AOPEP: variants seen among roughly 807,000 people sequenced by gnomAD.
AOPEP encodes the protein aminopeptidase O.
A neutral mutation model predicts 98.1 loss-of-function variants in AOPEP; 77 were observed. The observed-to-expected ratio is 0.78, with a 90% CI of 0.65 to 0.95. The LOEUF (loss-of-function observed/expected upper bound fraction) is 0.95. Among genes scored for constraint, AOPEP ranks in the 40% least tolerant of loss-of-function variants. The pLI is 0.00. For missense variants in AOPEP, 1,024 were observed against 1,024.7 expected, an observed-to-expected ratio of 1.00 and a Z score of 0.01; for synonymous variants, 346 against 365.3, an observed-to-expected ratio of 0.95 and a Z score of 0.60.
At chr9:94,782,204 CA>C in intron 3 of AOPEP, among the ~76,000 whole-genome samples, 1 of 151,336 alleles carries the variant, frequency 6.6e-6, no homozygotes, top group Admixed American at 6.6e-5. Context: ...AAAAAAGAAA[CA>C]AAAAAAGAAA....
rs753179524 is a variant in AOPEP, at chr9:95,082,738, T to G, written c.*4+19T>G. On this transcript the variant is annotated intron_variant, in intron 16 of 16. Coordinates refer to ENST00000375315, the MANE Select transcript of AOPEP (RefSeq NM_001193329.3). ...TAACGAGGTGATTCTCTCCCTTTCC[T>G]TTCTGTCATTTAGTTCTAACCAGAT... 36 of 1,613,452 alleles carry G rather than the reference T, an allele frequency of 2.2e-5. No individual in the cohort carries two copies. The highest frequency in any genetic ancestry group is 3.3e-4 in the Middle Eastern group (2 of 6,080).
At chr9:95,026,889 T>C (rs1380535645) in intron 13 of AOPEP, among the ~76,000 whole-genome samples, 1 of 152,218 alleles carries the variant, frequency 6.6e-6, no homozygotes, top group Non-Finnish European at 1.5e-5. Flanking sequence ...TTGACTTGTT[T>C]TATATTCTTA....
chr9:94,766,283 A>G (rs1839583362), intron 2 of AOPEP, among the ~76,000 whole-genome samples: 1 of 152,244 alleles, frequency 6.6e-6, no homozygotes, highest in Non-Finnish European at 1.5e-5. Context: ...TCACGCGTGT[A>G]ATCCCAGCAC....
intron 5 of AOPEP, among the ~76,000 whole-genome samples, chr9:94,898,670 G>A (rs2049928804): frequency 6.9e-6 from 1 of 144,230 alleles, no homozygotes; most frequent in African/African-American, 2.5e-5. Flanking sequence ...AAGGCCGGGT[G>A]CAGTGGCTCA....
At chr9:94,871,198 T>C (rs1450739945) in intron 5 of AOPEP, among the ~76,000 whole-genome samples, 2 of 152,212 alleles carry the variant, frequency 1.3e-5, no homozygotes, top group African/African-American at 2.4e-5. Flanking sequence ...CATATGACCT[T>C]GATTCAACTT....
intron 7 of AOPEP, among the ~76,000 whole-genome samples, chr9:94,947,626 T>C (rs1273711670): frequency 6.6e-6 from 1 of 152,238 alleles, no homozygotes; most frequent in Non-Finnish European, 1.5e-5. Context: ...TCCTCCTTAA[T>C]AACATTCTTT....
intron 5 of AOPEP, among the ~76,000 whole-genome samples, chr9:94,826,712 G>A (rs1854658427): frequency 6.6e-6 from 1 of 152,154 alleles, no homozygotes; most frequent in Admixed American, 6.5e-5. Context: ...GATGGTGGTG[G>A]TGGTGGTGGT....
intron 5 of AOPEP, among the ~76,000 whole-genome samples, chr9:94,884,732 C>T (rs940832682): frequency 2.0e-5 from 3 of 152,048 alleles, no homozygotes; most frequent in Admixed American, 2.0e-4. Flanking sequence ...CAGGCACTGG[C>T]CGGGCGCGGT....
chr9:95,117,454 C>T, the AOPEP span: 15 of 1,387,278 alleles, frequency 1.1e-5, no homozygotes, highest in Non-Finnish European at 1.4e-5. Flanking sequence ...CAGGAAAATA[C>T]AAAACTCTGA....
chr9:94,841,924 A>G (rs1014406169), intron 5 of AOPEP, among the ~76,000 whole-genome samples: 2 of 152,146 alleles, frequency 1.3e-5, no homozygotes, highest in African/African-American at 4.8e-5. Flanking sequence ...GTGGTGGCAC[A>G]TGCCTGTGGT....
chr9:94,999,232 T>A (rs533461718), intron 11 of AOPEP, among the ~76,000 whole-genome samples: 6 of 151,350 alleles, frequency 4.0e-5, no homozygotes, highest in Non-Finnish European at 5.9e-5. Context: ...CCAAAACAGA[T>A]AAATATAACA....
intron 13 of AOPEP, among the ~76,000 whole-genome samples, chr9:95,059,508 A>G (rs1038646166): frequency 1.3e-5 from 2 of 150,590 alleles, no homozygotes; most frequent in Non-Finnish European, 3.0e-5. Flanking sequence ...ACCTTTTGGA[A>G]AAGTATATGT....
intron 10 of AOPEP, among the ~76,000 whole-genome samples, chr9:94,977,420 C>T (rs975571833): frequency 6.6e-6 from 1 of 152,130 alleles, no homozygotes; most frequent in Non-Finnish European, 1.5e-5. Flanking sequence ...CTCGGATCTT[C>T]TTCATTGGTG....
chr9:94,731,290 C>T (rs879725092), intron 1 of AOPEP, among the ~76,000 whole-genome samples: 61 of 151,440 alleles, frequency 4.0e-4, no homozygotes, highest in Non-Finnish European at 6.3e-4. Flanking sequence ...TGCAGTGGCG[C>T]GATCTCGGCT....
At chr9:95,020,613 T>A (rs1037211818) in intron 13 of AOPEP, among the ~76,000 whole-genome samples, 19 of 141,460 alleles carry the variant, frequency 1.3e-4, no homozygotes, top group African/African-American at 3.1e-4. Context: ...CAGTATTATT[T>A]AAAAAAAAAA....
chr9:94,808,948 G>C (rs356128), intron 5 of AOPEP, among the ~76,000 whole-genome samples: 7,999 of 152,314 alleles, frequency 0.053, 234 homozygotes, highest in Admixed American at 0.077. Flanking sequence ...GAATGAGCCA[G>C]CTGCAGTTTT....
rs1554803922 is a variant in AOPEP at position 95,012,991 on chromosome 9, G to GGC, written c.2115+7376_2115+7377insCG. 1.0e-4 allele frequency among the ~76,000 whole-genome samples: 14 copies of GGC among 139,614 alleles called. 2 individuals carry two copies. The highest frequency in any genetic ancestry group is 1.6e-4 in the Non-Finnish European group (10 of 64,404). The allele number at this position is 139,614 out of a possible 152,430, so 91.6% of individuals were successfully genotyped here. A position where few individuals can be genotyped will look rare whatever the true frequency, so the allele number is the denominator to read the frequency against. ...AGAGTTTTCCTGTTTTTTTTTTGGG[G>GGC]GGGGGGGCAGGGCGATTATCTCTTA... On this transcript the variant is annotated intron_variant, in intron 13 of 16. Transcript: ENST00000375315.
intron 11 of AOPEP, among the ~76,000 whole-genome samples, chr9:94,986,674 C>A (rs1237785587): frequency 1.3e-5 from 2 of 152,146 alleles, no homozygotes; most frequent in African/African-American, 4.8e-5. Flanking sequence ...GTGGTAATAG[C>A]TGAAGGTCTG....
chr9:95,007,693 A>G (rs886145250), intron 13 of AOPEP, among the ~76,000 whole-genome samples: 22 of 152,228 alleles, frequency 1.4e-4, no homozygotes, highest in East Asian at 1.2e-3. Flanking sequence ...AGTGTTTCCA[A>G]TGTTTCTCTT....
Sources: gnomAD v4.1 joint callset for allele counts (sites outside exome capture counted in the v4.1 genomes callset) on GRCh38, gnomAD v4.1.1 for gene constraint, MANE v1.5 for transcripts, NCBI Gene and HGNC (gene_info 2026-07-23, HGNC 2026-07-21) for gene names.